The following CKAP5 variants were observed in gnomAD, a reference collection of about 807,000 sequenced individuals.
The protein encoded by CKAP5 is cytoskeleton-associated protein 5.
Under a neutral mutation model 232.8 loss-of-function variants are expected in CKAP5, and 27 were observed. The ratio of observed to expected loss-of-function variants is 0.12; its 90% CI spans 0.09 to 0.16. The LOEUF (loss-of-function observed/expected upper bound fraction) is 0.16. CKAP5 is among the 10% of genes least tolerant of loss of function. The probability of loss-of-function intolerance (pLI) is 1.00; values close to 1 mark genes in which losing one functional copy is unlikely to be tolerated. For synonymous variants in CKAP5, 785 were observed against 841.1 expected (o/e 0.93, Z 1.16); for missense variants, 1,838 against 2,424.7 (o/e 0.76, Z 5.08).
chr11:46,841,557 G>T (rs1278115499), intron 1 of CKAP5, among the ~76,000 whole-genome samples: 1 of 152,160 alleles, frequency 6.6e-6, no homozygotes, highest in African/African-American at 2.4e-5. Flanking sequence ...TTGATTCTTA[G>T]GTGGCCAAGT....
At chr11:46,756,263 T>C (rs2065110111) in intron 35 of CKAP5, among the ~76,000 whole-genome samples, 1 of 152,226 alleles carries the variant, frequency 6.6e-6, no homozygotes. Context: ...ATAATATCTT[T>C]CATATAAATT....
Position 46,798,323 on chromosome 11 carries a change from C to G in CKAP5, c.1084-151G>C, listed in dbSNP as rs925103536. 7 of 642,756 alleles carry G rather than the reference C, an allele frequency of 1.1e-5. No homozygotes were observed. In the Admixed American group the frequency reaches 1.5e-4, roughly 13 times the overall value. The allele number at this position is 642,756 out of a possible 1,614,324, so 39.8% of individuals were successfully genotyped here. ...GGCACAGTGACTCATGCCTGTAATC[C>G]CAGCACTTTGGGAGGCTGAGGCAGG... On this transcript the variant is annotated intron_variant, in intron 9 of 43. Transcript: ENST00000529230.
chr11:46,796,612 T>C (rs774546781), intron 12 of CKAP5, among the ~76,000 whole-genome samples, 200 bp downstream of exon 12: 15 of 152,226 alleles, frequency 9.9e-5, no homozygotes, highest in Middle Eastern at 3.4e-3. Context: ...ACAGACAAAA[T>C]TGAAGACAAA....
intron 1 of CKAP5, among the ~76,000 whole-genome samples, chr11:46,846,006 C>A (rs1315580220): frequency 1.3e-5 from 2 of 151,746 alleles, no homozygotes; most frequent in Non-Finnish European, 2.9e-5. Context: ...CAACCCCGGC[C>A]TCCGCCGCAC....
Position 46,811,224 on chromosome 11 carries a change from T to C in CKAP5, c.459-46A>G, listed in dbSNP as rs1289091079. On this transcript the variant is annotated intron_variant, in intron 4 of 43. Transcript: ENST00000529230. ...AAAAACTGTCAACGTGCAATGCAAT[T>C]AAATAAAGCATTAGCTTTTCTTCAT... 4 of 1,444,568 alleles carry C rather than the reference T, an allele frequency of 2.8e-6. No individual in the cohort carries two copies. In the Admixed American group the frequency reaches 7.2e-5, roughly 26 times the overall value. The allele number at this position is 1,444,568 out of a possible 1,614,324, so 89.5% of individuals were successfully genotyped here. A position where few individuals can be genotyped will look rare whatever the true frequency, so the allele number is the denominator to read the frequency against.
rs560919276 is a variant in CKAP5 at position 46,743,607 on chromosome 11, A to G, written c.*416T>C. ...GTTGTATCATGCCATGCATTCATAC[A>G]GAATACAGTGACCCTTCAGGGCGAC... On this transcript the variant is annotated 3_prime_UTR_variant, in exon 44 of 44. Coordinates refer to ENST00000529230, the MANE Select transcript of CKAP5 (RefSeq NM_001008938.4). The G allele has an allele frequency of 9.9e-5, 18 of 182,248 alleles. No individual in the cohort carries two copies. The highest frequency in any genetic ancestry group is 3.6e-4 in the South Asian group (3 of 8,274). 11.3% of individuals were successfully genotyped at this position (182,248 alleles called of 1,614,324 possible). A position where few individuals can be genotyped will look rare whatever the true frequency, so the allele number is the denominator to read the frequency against.
Position 46,809,426 on chromosome 11 carries a change from G to T in CKAP5, c.838C>A (p.Leu280Ile), listed in dbSNP as rs200568128. 77 of 1,610,638 alleles carry T rather than the reference G, an allele frequency of 4.8e-5. No homozygotes were observed. The highest frequency in any genetic ancestry group is 6.5e-5 in the Non-Finnish European group (76 of 1,178,098). ...LLEAVEILSK[L>I]PKDFYDKIEA... The stretch of plus-strand genomic sequence containing the variant: ...ATTTTGTCATAAAAGTCTTTGGGAA[G>T]TTTGGAAAGGATTTCTACAGCTTCT... The change falls in exon 7 of 44, where the codon CTT becomes ATT. Residue 280 changes from leucine to isoleucine, a missense_variant. Physicochemically the swap from Leu to Ile is conservative, Grantham distance 5. This residue lies in a region of CKAP5 where 97 missense variants were observed against 167.7 expected (regional missense o/e 0.58). Transcript: ENST00000529230.
chr11:46,777,412 A>C (rs773538126), intron 23 of CKAP5, 27 bp downstream of exon 23: 3 of 1,397,728 alleles, frequency 2.1e-6, no homozygotes, highest in Non-Finnish European at 3.0e-6. Context: ...TCCAGAATGG[A>C]GGCATGGTGA....
At chr11:46,753,603 T>C in intron 36 of CKAP5, 106 bp from the exon 37 acceptor site, 1 of 898,800 alleles carries the variant, frequency 1.1e-6, no homozygotes, top group Non-Finnish European at 1.6e-6. Flanking sequence ...TATTTTTTTT[T>C]TGAGACGGAG....
chr11:46,802,884 C>T (rs1939067405), intron 8 of CKAP5, among the ~76,000 whole-genome samples: 1 of 152,214 alleles, frequency 6.6e-6, no homozygotes, highest in South Asian at 2.1e-4. Flanking sequence ...AAATTAGGCA[C>T]CAAAATTTTG....
At chr11:46,800,718 T>A (rs564623052) in intron 9 of CKAP5, among the ~76,000 whole-genome samples, 104 of 152,332 alleles carry the variant, frequency 6.8e-4, no homozygotes, top group Middle Eastern at 6.8e-3. Context: ...GTAACCTATA[T>A]AAAATGTCTC....
In CKAP5 at chr11:46,780,411, T is replaced by G. The variant is rs1173595755; in HGVS notation, c.2307+17A>C. On this transcript the variant is annotated intron_variant, in intron 19 of 43. Transcript: ENST00000529230. ...AAAGATGGCAATACTGCCCTATATA[T>G]GTTGTTATGTACTCACTGGGTTTGT... 10 of 1,613,746 alleles carry G rather than the reference T, an allele frequency of 6.2e-6. No homozygotes were observed. The highest frequency in any genetic ancestry group is 6.8e-6 in the Non-Finnish European group (8 of 1,179,716).
At chr11:46,804,316 C>T (rs539799687) in intron 8 of CKAP5, among the ~76,000 whole-genome samples, 1 of 152,262 alleles carries the variant, frequency 6.6e-6, no homozygotes, top group South Asian at 2.1e-4. Context: ...TTCCCATAAA[C>T]AAGTTATTCT....
chr11:46,830,297 C>T (rs149968851), intron 1 of CKAP5, among the ~76,000 whole-genome samples: 2,047 of 151,640 alleles, frequency 0.013, 39 homozygotes, highest in African/African-American at 0.047. Context: ...AAAAATTAGC[C>T]GGGCGTGGTG....
At chr11:46,760,017 A>G (rs965083817) in intron 33 of CKAP5, among the ~76,000 whole-genome samples, 4 of 152,238 alleles carry the variant, frequency 2.6e-5, no homozygotes, top group Non-Finnish European at 4.4e-5. Flanking sequence ...CGTTAAAATT[A>G]TACTCATGAC....
chr11:46,839,072 G>A (rs138232354), intron 1 of CKAP5, among the ~76,000 whole-genome samples: 1 of 152,164 alleles, frequency 6.6e-6, no homozygotes, highest in East Asian at 1.9e-4. Context: ...TCATTTTTAT[G>A]AGAAAATCTA....
chr11:46,821,239 C>T lies in CKAP5; in HGVS notation c.-8G>A. On this transcript the variant is annotated 5_prime_UTR_variant, in exon 2 of 44. Coordinates refer to ENST00000529230, the MANE Select transcript of CKAP5 (RefSeq NM_001008938.4). ...CTCACTGTCATCTCCCATTGTGCTT[C>T]CAGGTTTTCCTTAGAATTAAGAGTA... The T allele has an allele frequency of 6.2e-7, 1 of 1,608,942 alleles. No homozygotes were observed. The highest frequency in any genetic ancestry group is 8.5e-7 in the Non-Finnish European group (1 of 1,175,510).
intron 1 of CKAP5, among the ~76,000 whole-genome samples, chr11:46,838,212 T>G (rs1018426440): frequency 6.6e-6 from 1 of 152,202 alleles, no homozygotes; most frequent in African/African-American, 2.4e-5. Flanking sequence ...GACTAGTACC[T>G]CTCAAAACAG....
chr11:46,750,495 G>A, intron 41 of CKAP5, 33 bp downstream of exon 41: 1 of 1,612,014 alleles, frequency 6.2e-7, no homozygotes, highest in Admixed American at 1.7e-5. Flanking sequence ...CCATAAAGCA[G>A]ACCCCTATTC....
Sources: gnomAD v4.1 joint callset for allele counts (sites outside exome capture counted in the v4.1 genomes callset) on GRCh38, gnomAD v4.1.1 for gene constraint, gnomAD v4.1.1 regional missense constraint, MANE v1.5 for transcripts, NCBI Gene and HGNC (gene_info 2026-07-23, HGNC 2026-07-21) for gene names.